USP50: variants seen among roughly 807,000 people sequenced by gnomAD.
USP50 encodes ubiquitin carboxyl-terminal hydrolase 50.
In USP50, 37 loss-of-function variants were observed where a neutral mutation model predicts 39.2. That is an observed-to-expected ratio of 0.94 (90% CI 0.73 to 1.24). The LOEUF (loss-of-function observed/expected upper bound fraction) is 1.24, where lower values mean the gene tolerates loss of function less well. Ranked by LOEUF, USP50 falls within the 50% of genes most tolerant of loss-of-function variation. The pLI is 0.00. For synonymous variants in USP50, 139 were observed against 144.5 expected (o/e 0.96, Z 0.27); for missense variants, 374 against 398.2 (o/e 0.94, Z 0.52).
At chr15:50,500,493 G>A (rs921808866), downstream of USP50, 4 of 323,072 alleles carry the variant, frequency 1.2e-5, no homozygotes, top group Non-Finnish European at 2.4e-5. Context: ...TCTTCTGGAC[G>A]ACAGATTTAT....
chr15:50,493,927 G>A (rs753163789), downstream of USP50: 11 of 985,062 alleles, frequency 1.1e-5, no homozygotes, highest in African/African-American at 1.6e-5. Context: ...TGAGAATCTG[G>A]TGGTGAGCCT....
At chr15:50,532,459 G>A (rs1223329513) in intron 5 of USP50, among the ~76,000 whole-genome samples, 3 of 151,906 alleles carry the variant, frequency 2.0e-5, no homozygotes, top group African/African-American at 7.3e-5. Context: ...TAGTCTGGAG[G>A]CTGAAGTTCA....
Position 50,500,576 on chromosome 15 carries a change from T to C in USP50, c.*193A>G. Reference sequence around the variant, plus strand: ...AATGATGCAAGTAAGTTCTAAGAGTTTAATGACCAAGCAAAACTCTACCAC... The same window carrying C: ...AATGATGCAAGTAAGTTCTAAGAGTCTAATGACCAAGCAAAACTCTACCAC... On this transcript the variant is annotated 3_prime_UTR_variant, in exon 7 of 7. Transcript: ENST00000532404. 1 of 537,932 alleles carries C rather than the reference T, an allele frequency of 1.9e-6. No individual in the cohort carries two copies. The highest frequency in any genetic ancestry group is 3.1e-5 in the Admixed American group (1 of 32,246). 33.3% of individuals were successfully genotyped at this position (537,932 alleles called of 1,614,324 possible).
At chr15:50,537,246 AAG>A (rs137935146) in intron 5 of USP50, among the ~76,000 whole-genome samples, 11,682 of 142,060 alleles carry the variant, frequency 0.082, 609 homozygotes, top group Middle Eastern at 0.13. Flanking sequence ...CGAAAAAAAA[AAG>A]AAGAAGAAGA....
At chr15:50,520,841 A>G (rs2052844044) in intron 6 of USP50, among the ~76,000 whole-genome samples, 1 of 152,172 alleles carries the variant, frequency 6.6e-6, no homozygotes, top group African/African-American at 2.4e-5. Context: ...GGGAGGATAA[A>G]GAGAGAGGCT....
intron 6 of USP50, chr15:50,511,008 G>A (rs977929875): frequency 6.6e-6 from 1 of 152,156 alleles, no homozygotes; most frequent in Admixed American, 6.6e-5. Flanking sequence ...TCGATCTCCT[G>A]ACCTCGTGAT....
chr15:50,541,963 G>A (rs1340270116), intron 3 of USP50, among the ~76,000 whole-genome samples: 2 of 151,290 alleles, frequency 1.3e-5, no homozygotes, highest in African/African-American at 4.9e-5. Context: ...ATCTGTAATC[G>A]TCGTGCTTTG....
At chr15:50,510,839 C>G (rs975430849) in intron 6 of USP50, 5 of 151,992 alleles carry the variant, frequency 3.3e-5, no homozygotes, top group Non-Finnish European at 5.9e-5. Context: ...TGCAGTGGCG[C>G]TATCTCGGCT....
At position 50,540,490 on chromosome 15, in the gene USP50, A is replaced by C. The variant is rs976937801; in HGVS notation, c.660+559T>G. 8.5e-5 allele frequency among the ~76,000 whole-genome samples: 13 copies of C among 152,314 alleles called. No homozygotes were observed. The East Asian group carries it at 2.5e-3, about 29-fold the overall frequency. On this transcript the variant is annotated intron_variant, in intron 4 of 6. Transcript: ENST00000532404. ...TACCTCAATAGACTCAATAAACCCC[A>C]CTATATTTCCAATTTTACAGTCAGG... is the stretch of plus-strand genomic sequence containing the variant.
At chr15:50,525,464 T>TTG (rs1555395164) in intron 6 of USP50, among the ~76,000 whole-genome samples, 4,757 of 95,188 alleles carry the variant, frequency 0.05, 269 homozygotes, top group African/African-American at 0.18. Flanking sequence ...ATTCCACATT[T>TTG]TGTGTGTGTG....
chr15:50,543,465 T>A, intron 3 of USP50, 133 bp downstream of exon 3: 1 of 791,840 alleles, frequency 1.3e-6, no homozygotes, highest in East Asian at 2.7e-5. Flanking sequence ...ACTTGGATGT[T>A]CTCCATGGGA....
chr15:50,496,299 G>A (rs143062357), downstream of USP50, among the ~76,000 whole-genome samples: 5,153 of 151,978 alleles, frequency 0.034, 288 homozygotes, highest in African/African-American at 0.12. Flanking sequence ...GGATAACACG[G>A]TGAAACCCCA....
downstream of USP50, chr15:50,498,816 GAAC>G (rs1265270660): frequency 1.3e-6 from 2 of 1,548,334 alleles, no homozygotes; most frequent in East Asian, 2.3e-5. Context: ...GGAAGAGTAA[GAAC>G]AACATAAAGC....
At chr15:50,502,339 C>T (rs1264821772) in intron 6 of USP50, 1 of 151,560 alleles carries the variant, frequency 6.6e-6, no homozygotes, top group African/African-American at 2.4e-5. Flanking sequence ...TCGATCTCGA[C>T]CTCGGGATCC....
At chr15:50,499,428 T>G (rs1372213291), downstream of USP50, 1 of 171,918 alleles carries the variant, frequency 5.8e-6, no homozygotes, top group Non-Finnish European at 1.2e-5. Flanking sequence ...TTTTCACATT[T>G]CTAAATCCCA....
At chr15:50,519,247 A>ACTGCACTCCAGC (rs1357814718) in intron 6 of USP50, among the ~76,000 whole-genome samples, 2 of 152,122 alleles carry the variant, frequency 1.3e-5, no homozygotes, top group East Asian at 3.9e-4. Flanking sequence ...AGATCACATG[A>ACTGCACTCCAGC]CTGCACTCCA....
At chr15:50,530,042 C>T (rs1005183299) in intron 5 of USP50, 113 bp from the exon 6 acceptor site, 2 of 1,446,900 alleles carry the variant, frequency 1.4e-6, no homozygotes, top group African/African-American at 2.8e-5. Flanking sequence ...CACAGTGGCT[C>T]ATGCCTGTAA....
chr15:50,538,060 A>G (rs929819907), intron 5 of USP50, among the ~76,000 whole-genome samples: 2 of 151,666 alleles, frequency 1.3e-5, no homozygotes, highest in Non-Finnish European at 2.9e-5. Context: ...GTGGATCATG[A>G]GGTCAAGAGA....
intron 5 of USP50, among the ~76,000 whole-genome samples, chr15:50,530,196 C>A (rs989518093): frequency 2.0e-5 from 3 of 152,100 alleles, no homozygotes; most frequent in African/African-American, 7.2e-5. Context: ...GTAGGAGGAT[C>A]ACCTGAGCAT....
Sources: allele counts gnomAD v4.1 joint callset (sites outside exome capture counted in the v4.1 genomes callset), GRCh38; gene constraint gnomAD v4.1.1; transcripts MANE v1.5; gene names NCBI Gene and HGNC (gene_info 2026-07-23, HGNC 2026-07-21).